SLC25A42: variants seen among roughly 807,000 people sequenced by gnomAD.
SLC25A42 encodes mitochondrial coenzyme A transporter SLC25A42.
SLC25A42 carries 19 observed loss-of-function variants against 34.7 expected under a neutral mutation model. The ratio of observed to expected loss-of-function variants is 0.55; its 90% confidence interval spans 0.38 to 0.80. The LOEUF is 0.80. SLC25A42 is among the 30% of genes least tolerant of loss of function. The pLI, the probability that SLC25A42 is intolerant of heterozygous loss-of-function variation, is 0.00. For missense variants in SLC25A42, 364 were observed against 441.3 expected (o/e 0.82, Z 1.57); for synonymous variants, 205 against 191.2 (o/e 1.07, Z -0.59).
chr19:19,093,172 C>G (rs532643746), intron 1 of SLC25A42, among the ~76,000 whole-genome samples: 9 of 152,190 alleles, frequency 5.9e-5, no homozygotes, highest in Non-Finnish European at 1.3e-4. Context: ...AGGTGCATGC[C>G]ATCATATCCA....
intron 1 of SLC25A42, among the ~76,000 whole-genome samples, chr19:19,083,918 G>C (rs1485698991): frequency 7.0e-6 from 1 of 142,712 alleles, no homozygotes; most frequent in African/African-American, 2.6e-5. Flanking sequence ...GCACCTCCTG[G>C]GCCCTGCACA....
intron 6 of SLC25A42, chr19:19,106,618 G>C (rs2059830067): frequency 2.8e-6 from 1 of 353,488 alleles, no homozygotes; most frequent in South Asian, 5.1e-5. Flanking sequence ...ATTTTGAACT[G>C]GGCACAGATG....
rs971393941 is a variant in SLC25A42, at chr19:19,111,164, T to A, written c.*288T>A. 15 of 481,868 alleles carry A rather than the reference T, an allele frequency of 3.1e-5. No homozygotes were observed. Among genetic ancestry groups the A allele is most frequent in the Non-Finnish European group, 5.2e-5 (14 of 267,088 alleles). 29.8% of individuals were successfully genotyped at this position (481,868 alleles called of 1,614,324 possible). ...GCCGGAGGTGTTGCCCAAAAGGCCC[T>A]AGTGGGGCGTGGTCAGCTCCACCTC... is the stretch of plus-strand genomic sequence containing the variant. On this transcript the variant is annotated 3_prime_UTR_variant, in exon 8 of 8. Transcript: ENST00000318596.
chr19:19,064,636 C>G (rs983498438), intron 1 of SLC25A42, among the ~76,000 whole-genome samples: 1 of 151,622 alleles, frequency 6.6e-6, no homozygotes, highest in African/African-American at 2.4e-5. Context: ...GCCCACTCCC[C>G]CAGCAACCTG....
At chr19:19,085,147 C>T (rs549397537) in intron 1 of SLC25A42, among the ~76,000 whole-genome samples, 4 of 152,212 alleles carry the variant, frequency 2.6e-5, no homozygotes, top group African/African-American at 9.6e-5. Flanking sequence ...AGGGAAACAG[C>T]ACCTCACCAT....
chr19:19,064,488 T>A (rs10404077), intron 1 of SLC25A42, among the ~76,000 whole-genome samples: 2,967 of 97,624 alleles, frequency 0.03, 115 homozygotes, highest in African/African-American at 0.11. Context: ...ATCACCTGAG[T>A]CTGTCCTTGT....
At chr19:19,096,928 C>T (rs897544121) in intron 2 of SLC25A42, among the ~76,000 whole-genome samples, 4 of 152,036 alleles carry the variant, frequency 2.6e-5, no homozygotes, top group Non-Finnish European at 5.9e-5. Context: ...CAGGGTGAAA[C>T]CCTGTCTCAA....
At chr19:19,096,352 A>G (rs982848417) in intron 2 of SLC25A42, 147 bp downstream of exon 2, 5 of 625,820 alleles carry the variant, frequency 8.0e-6, no homozygotes, top group African/African-American at 7.8e-5. Flanking sequence ...CATGCAGCCC[A>G]TCACAAATCA....
chr19:19,065,380 G>A (rs978658345), intron 1 of SLC25A42, among the ~76,000 whole-genome samples: 11 of 152,310 alleles, frequency 7.2e-5, no homozygotes, highest in African/African-American at 2.2e-4. Flanking sequence ...GCAAACTAAT[G>A]TTTCAGCTGT....
chr19:19,077,000 A>G lies in SLC25A42; in HGVS notation c.-35+12885A>G, dbSNP rs969547176. The stretch of plus-strand genomic sequence containing the variant: ...GGAGTTCAAGACCAGCCTGGGCAAC[A>G]TAGTAAGACCCCATCTCTACAAAAA... On this transcript the variant is annotated intron_variant, in intron 1 of 7. Transcript: ENST00000318596. Among the ~76,000 whole-genome samples the G allele has an allele frequency of 4.6e-5, 7 of 152,268 alleles. 1 individual carries two copies. The East Asian group carries it at 1.2e-3, about 25-fold the overall frequency.
At chr19:19,072,563 C>T (rs1488507559) in intron 1 of SLC25A42, among the ~76,000 whole-genome samples, 4 of 151,822 alleles carry the variant, frequency 2.6e-5, no homozygotes, top group Non-Finnish European at 2.9e-5. Flanking sequence ...TTTAGCCAGG[C>T]GTGGAGACAG....
At chr19:19,074,876 C>T (rs934942865) in intron 1 of SLC25A42, among the ~76,000 whole-genome samples, 8 of 152,096 alleles carry the variant, frequency 5.3e-5, no homozygotes, top group Non-Finnish European at 8.8e-5. Flanking sequence ...TGTGGCTGGG[C>T]GCAGTGGTTC....
chr19:19,069,239 G>C (rs1340969077), intron 1 of SLC25A42, among the ~76,000 whole-genome samples: 3 of 152,200 alleles, frequency 2.0e-5, no homozygotes, highest in African/African-American at 7.2e-5. Flanking sequence ...TGGATTCCAG[G>C]GGCTCAACAA....
At chr19:19,090,132 GAGA>G (rs1373298075) in intron 1 of SLC25A42, among the ~76,000 whole-genome samples, 2 of 152,120 alleles carry the variant, frequency 1.3e-5, no homozygotes, top group Non-Finnish European at 2.9e-5. Context: ...GTTACATTTT[GAGA>G]AGGCCAAGTT....
chr19:19,080,749 G>T (rs763106131), intron 1 of SLC25A42, among the ~76,000 whole-genome samples: 10 of 151,734 alleles, frequency 6.6e-5, no homozygotes, highest in African/African-American at 1.2e-4. Context: ...GTGAAACCCC[G>T]TCTCTACGAA....
rs1017536080 is a variant in SLC25A42, at chr19:19,081,575, A to G, written c.-34-14516A>G. ...GTCCCTTATAGTGACAAAGAGGAGAATGCCACTGAGGGTGGGGGTCATGGG... is the reference window on the plus strand; with the variant it reads ...GTCCCTTATAGTGACAAAGAGGAGAGTGCCACTGAGGGTGGGGGTCATGGG... On this transcript the variant is annotated intron_variant, in intron 1 of 7. Transcript: ENST00000318596. This position sits in a 1 kb window ranked among gnomAD's most constrained non-coding sequence, Gnocchi z 4.5. 6.6e-6 allele frequency among the ~76,000 whole-genome samples: 1 copy of G among 152,084 alleles called. No individual in the cohort carries two copies. Among genetic ancestry groups the G allele is most frequent in the African/African-American group, 2.4e-5 (1 of 41,400 alleles).
At chr19:19,080,849 G>C (rs1299939116) in intron 1 of SLC25A42, among the ~76,000 whole-genome samples, 2 of 147,554 alleles carry the variant, frequency 1.4e-5, no homozygotes, top group Admixed American at 1.4e-4. Context: ...GAGCCCAGGA[G>C]ATCAAAGCTG....
chr19:19,070,033 G>A (rs911700517), intron 1 of SLC25A42, among the ~76,000 whole-genome samples: 7 of 151,828 alleles, frequency 4.6e-5, no homozygotes, highest in Non-Finnish European at 7.4e-5. Context: ...TTGCTCTATC[G>A]CCCAGGCTGG....
intron 1 of SLC25A42, among the ~76,000 whole-genome samples, chr19:19,089,399 G>A (rs1003335804): frequency 2.6e-5 from 4 of 151,548 alleles, no homozygotes; most frequent in Non-Finnish European, 5.9e-5. Flanking sequence ...ATGGTGGTGC[G>A]TGCCTGTAAT....
Sources: allele counts gnomAD v4.1 joint callset (sites outside exome capture counted in the v4.1 genomes callset), GRCh38; gene constraint gnomAD v4.1.1; non-coding constraint Gnocchi (gnomAD v3.1); transcripts MANE v1.5; gene names NCBI Gene and HGNC (gene_info 2026-07-23, HGNC 2026-07-21).